The following MIPOL1 variants were observed in gnomAD, a reference collection of about 807,000 sequenced individuals.
The protein encoded by MIPOL1 is mirror-image polydactyly gene 1 protein.
Under a neutral mutation model 60.9 loss-of-function variants are expected in MIPOL1, and 57 were observed. That is an observed-to-expected ratio of 0.94 (90% confidence interval 0.76 to 1.17). MIPOL1 has a LOEUF of 1.17. Ranked by LOEUF, MIPOL1 falls within the 50% of genes most tolerant of loss-of-function variation. The probability of loss-of-function intolerance (pLI) is 0.00; values close to 1 mark genes in which losing one functional copy is unlikely to be tolerated. For synonymous variants in MIPOL1, 179 were observed against 168.8 expected (o/e 1.06, Z -0.47); for missense variants, 551 against 511.6 (o/e 1.08, Z -0.74).
chr14:37,234,225 A>G (rs1368171797), intron 1 of MIPOL1, among the ~76,000 whole-genome samples: 1 of 151,818 alleles, frequency 6.6e-6, no homozygotes, highest in African/African-American at 2.4e-5. Context: ...TTCTGCTGTT[A>G]ATCATTGGTC....
intron 9 of MIPOL1, among the ~76,000 whole-genome samples, chr14:37,359,928 C>G (rs963295481): frequency 1.3e-5 from 2 of 152,132 alleles, no homozygotes; most frequent in East Asian, 3.8e-4. Flanking sequence ...CCAGTTTTTT[C>G]CCATTCAGTA....
intron 10 of MIPOL1, among the ~76,000 whole-genome samples, chr14:37,381,173 C>T (rs1000182549): frequency 1.3e-5 from 2 of 152,044 alleles, no homozygotes; most frequent in Non-Finnish European, 2.9e-5. Context: ...CCCAGGTCTT[C>T]CTCCTAGGCC....
At chr14:37,297,962 T>C (rs946903998) in intron 7 of MIPOL1, among the ~76,000 whole-genome samples, 2 of 151,976 alleles carry the variant, frequency 1.3e-5, no homozygotes, top group African/African-American at 2.4e-5. Context: ...CTAAAGTTCA[T>C]GTGGAAGCAA....
Position 37,267,103 on chromosome 14 carries a change from C to T in MIPOL1, c.185C>T (p.Thr62Met), listed in dbSNP as rs139863575. The change falls in exon 4 of 13, where the codon ACG becomes ATG. Residue 62 changes from threonine (T) to methionine (M), a missense_variant. By Grantham distance (81) the Thr-to-Met change is moderately conservative. Transcript: ENST00000684589. ...ACAGAATGGCCAGGGCAGAGATCAA[C>T]GAATTTTCAGATCATCAGTTCTTAT... Reference protein sequence around the residue: ...ENTEWPGQRSTNFQIISSYPD... With the variant: ...ENTEWPGQRSMNFQIISSYPD... 21 of 1,613,756 alleles carry T rather than the reference C, an allele frequency of 1.3e-5. No homozygotes were observed. The highest frequency in any genetic ancestry group is 6.7e-5 in the Admixed American group (4 of 59,974).
chr14:37,510,767 C>G (rs2095321903), intron 12 of MIPOL1, among the ~76,000 whole-genome samples: 1 of 152,106 alleles, frequency 6.6e-6, no homozygotes, highest in Non-Finnish European at 1.5e-5. Context: ...TAGAGATACA[C>G]AGGAAAATTT....
chr14:37,520,849 G>A (rs2095407747), intron 12 of MIPOL1, among the ~76,000 whole-genome samples: 1 of 146,574 alleles, frequency 6.8e-6, no homozygotes, highest in Non-Finnish European at 1.5e-5. Context: ...AAAAAAGAAA[G>A]TAGATTAAAA....
At chr14:37,536,908 G>A (rs917052641) in intron 12 of MIPOL1, among the ~76,000 whole-genome samples, 5 of 152,124 alleles carry the variant, frequency 3.3e-5, no homozygotes, top group Non-Finnish European at 5.9e-5. Flanking sequence ...GTTGGTAGTG[G>A]AAACAATGTG....
chr14:37,340,693 CAAA>C (rs34138949), intron 9 of MIPOL1, among the ~76,000 whole-genome samples: 5 of 98,346 alleles, frequency 5.1e-5, no homozygotes, highest in Middle Eastern at 7.1e-3. Flanking sequence ...GACCCTGTCT[CAAA>C]AAAAAAAAAA....
At chr14:37,250,229 T>A (rs1973864901) in intron 3 of MIPOL1, among the ~76,000 whole-genome samples, 1 of 152,124 alleles carries the variant, frequency 6.6e-6, no homozygotes, top group Non-Finnish European at 1.5e-5. Context: ...GACATTCCCT[T>A]TTATAAGGAT....
chr14:37,250,092 A>G (rs916192447), intron 3 of MIPOL1, among the ~76,000 whole-genome samples: 3 of 152,212 alleles, frequency 2.0e-5, no homozygotes, highest in Non-Finnish European at 2.9e-5. Flanking sequence ...ACAGATGCAT[A>G]GACAGTTTAC....
At chr14:37,205,916 C>A (rs1472781747) in intron 1 of MIPOL1, among the ~76,000 whole-genome samples, 1 of 152,032 alleles carries the variant, frequency 6.6e-6, no homozygotes, top group Non-Finnish European at 1.5e-5. Flanking sequence ...GTGAATAGTA[C>A]CATATAAACA....
chr14:37,203,313 G>A (rs1418733016), intron 1 of MIPOL1, among the ~76,000 whole-genome samples: 1 of 152,174 alleles, frequency 6.6e-6, no homozygotes, highest in Non-Finnish European at 1.5e-5. Context: ...TTTGTGAAAT[G>A]AGGCCTTTTG....
chr14:37,534,359 T>C (rs1374031988), intron 12 of MIPOL1, among the ~76,000 whole-genome samples: 1 of 152,228 alleles, frequency 6.6e-6, no homozygotes, highest in Non-Finnish European at 1.5e-5. Context: ...ACAAAATATA[T>C]ACTACAAATC....
intron 7 of MIPOL1, among the ~76,000 whole-genome samples, chr14:37,305,967 A>G (rs972917662): frequency 1.3e-5 from 2 of 151,864 alleles, no homozygotes; most frequent in Non-Finnish European, 2.9e-5. Flanking sequence ...GTCAGTATAT[A>G]TTATGTGCTT....
At position 37,333,064 on chromosome 14, in the gene MIPOL1, A is replaced by G. The variant is rs558381227; in HGVS notation, c.828+24545A>G. Among the ~76,000 whole-genome samples, 3 of 152,288 alleles carry G rather than the reference A, an allele frequency of 2.0e-5. No individual in the cohort carries two copies. The South Asian group carries it at 6.2e-4, about 32-fold the overall frequency. On this transcript the variant is annotated intron_variant, in intron 9 of 12. Transcript: ENST00000684589. ...CTACAGATAATTTTATGCAGTTATG[A>G]TCTAATACTATTAGGTCAGTGCAAA...
intron 9 of MIPOL1, among the ~76,000 whole-genome samples, chr14:37,325,424 T>G (rs1214821387): frequency 2.0e-5 from 3 of 152,120 alleles, no homozygotes; most frequent in Non-Finnish European, 4.4e-5. Context: ...GAATTTCAAT[T>G]TTGTTATTTT....
intron 3 of MIPOL1, among the ~76,000 whole-genome samples, chr14:37,251,248 A>G (rs1974043147): frequency 6.6e-6 from 1 of 151,844 alleles, no homozygotes; most frequent in Non-Finnish European, 1.5e-5. Flanking sequence ...AATGGTTTGT[A>G]GGGGTTGGGG....
intron 11 of MIPOL1, among the ~76,000 whole-genome samples, chr14:37,460,003 TG>T (rs2094521772): frequency 6.6e-6 from 1 of 152,016 alleles, no homozygotes; most frequent in Non-Finnish European, 1.5e-5. Context: ...TGCTTGAACC[TG>T]GGAGGCAGAG....
intron 1 of MIPOL1, among the ~76,000 whole-genome samples, chr14:37,214,491 G>A (rs1037990955): frequency 2.6e-5 from 4 of 152,082 alleles, no homozygotes; most frequent in African/African-American, 7.2e-5. Flanking sequence ...CCGAGGACAC[G>A]AGCTGTTCCA....
Sources: allele counts gnomAD v4.1 joint callset (sites outside exome capture counted in the v4.1 genomes callset), GRCh38; gene constraint gnomAD v4.1.1; transcripts MANE v1.5; gene names NCBI Gene and HGNC (gene_info 2026-07-23, HGNC 2026-07-21).